Variants in FUS observed in about 807,000 individuals in gnomAD.
FUS encodes FUS RNA binding protein.
Under a neutral mutation model 82.7 loss-of-function variants are expected in FUS, and 5 were observed. That is an observed-to-expected ratio of 0.06 (90% CI 0.03 to 0.13). The LOEUF is 0.13. Among genes scored for constraint, FUS ranks in the 10% least tolerant of loss-of-function variants. The pLI, the probability that FUS is intolerant of heterozygous loss-of-function variation, is 1.00. For missense variants in FUS, 512 were observed against 707.8 expected (o/e 0.72, Z 3.14); for synonymous variants, 281 against 247.4 (o/e 1.14, Z -1.27).
chr16:31,192,323 A>G (rs939440811), downstream of FUS: 4 of 527,200 alleles, frequency 7.6e-6, no homozygotes, highest in East Asian at 1.6e-4. Flanking sequence ...CCAATGAGTT[A>G]AAACCTTAGA....
intron 8 of FUS, 158 bp downstream of exon 8, chr16:31,188,515 T>TA (rs1313682455): frequency 1.2e-6 from 1 of 805,880 alleles, no homozygotes; most frequent in Non-Finnish European, 2.1e-6. Context: ...AAGTATTTGT[T>TA]ACGAAGTATT....
intron 6 of FUS, chr16:31,185,732 G>A: frequency 2.8e-6 from 1 of 361,900 alleles, no homozygotes; most frequent in South Asian, 2.4e-5. Flanking sequence ...CCAGCTGACT[G>A]AAGTAAGCAG....
intron 13 of FUS, 37 bp downstream of exon 13, chr16:31,190,879 C>T: frequency 1.2e-6 from 2 of 1,612,884 alleles, no homozygotes; most frequent in Non-Finnish European, 1.7e-6. Flanking sequence ...GAGCTGGGAC[C>T]AAAGAATCCT....
In FUS at chr16:31,188,578, G is replaced by T. The variant is rs72550895; in HGVS notation, c.832+221G>T. 0.013 allele frequency: 7,916 copies of T among 605,570 alleles called. 346 individuals carry two copies. The highest frequency in any genetic ancestry group is 0.11 in the African/African-American group (5,750 of 54,086). 37.5% of individuals were successfully genotyped at this position (605,570 alleles called of 1,614,324 possible). A position where few individuals can be genotyped will look rare whatever the true frequency, so the allele number is the denominator to read the frequency against. On this transcript the variant is annotated intron_variant, in intron 8 of 14. Coordinates refer to ENST00000254108, the MANE Select transcript of FUS (RefSeq NM_004960.4). ...CACCCCCAGTGATTTAGGTCTGAGA[G>T]GACCCTGAAAATCTACCTTTCTAAC...
intron 6 of FUS, chr16:31,186,123 TTAAAAA>T (rs1305095540): frequency 9.7e-5 from 23 of 238,128 alleles, no homozygotes; most frequent in East Asian, 7.2e-4. Context: ...ATGCAAAACT[TTAAAAA>T]GAAAAACAAC....
chr16:31,180,365 GA>G, intron 1 of FUS, 138 bp downstream of exon 1: 1 of 1,103,696 alleles, frequency 9.1e-7, no homozygotes, highest in South Asian at 1.3e-5. Flanking sequence ...CCGCGGAGAA[GA>G]GTAACTGGAG....
At chr16:31,180,749 C>A (rs1005436417) in intron 1 of FUS, among the ~76,000 whole-genome samples, 1 of 152,172 alleles carries the variant, frequency 6.6e-6, no homozygotes, top group East Asian at 1.9e-4. Flanking sequence ...CCTCAGTGGT[C>A]CTTCGCGAAT....
At chr16:31,181,801 G>T (rs2079183595) in intron 1 of FUS, among the ~76,000 whole-genome samples, 1 of 152,186 alleles carries the variant, frequency 6.6e-6, no homozygotes, top group African/African-American at 2.4e-5. Flanking sequence ...TCACTGACAT[G>T]AATTGGGCTT....
At chr16:31,194,017 G>A, downstream of FUS, 1 of 533,490 alleles carries the variant, frequency 1.9e-6, no homozygotes, top group Admixed American at 2.2e-5. Context: ...TTGTGAGTTG[G>A]AATTGGGACA....
At chr16:31,182,170 TA>T (rs1312308543) in intron 1 of FUS, 1 of 550,206 alleles carries the variant, frequency 1.8e-6, no homozygotes, top group Admixed American at 3.1e-5. Flanking sequence ...TTTGTATTTT[TA>T]TTAGAGATGG....
chr16:31,184,427 A>ATTTTCT, intron 5 of FUS, 31 bp downstream of exon 5: 1 of 1,518,786 alleles, frequency 6.6e-7, no homozygotes, highest in Non-Finnish European at 9.0e-7. Context: ...TCTGCAGCCC[A>ATTTTCT]TTTTCTTTTT....
At chr16:31,184,161 G>T (rs763223674) in intron 4 of FUS, 48 bp from the exon 5 acceptor site, 2 of 1,613,930 alleles carry the variant, frequency 1.2e-6, no homozygotes, top group Non-Finnish European at 1.7e-6. Context: ...AAAGGAAATT[G>T]GGGGCTATGC....
chr16:31,185,352 G>GA (rs1182710679), intron 6 of FUS, 173 bp downstream of exon 6: 1 of 745,438 alleles, frequency 1.3e-6, no homozygotes, highest in African/African-American at 1.8e-5. Context: ...TTATTTTTGT[G>GA]AGAACTTGGG....
At chr16:31,193,473 G>A (rs1394831075), downstream of FUS, 2 of 528,342 alleles carry the variant, frequency 3.8e-6, no homozygotes, top group Non-Finnish European at 7.3e-6. Flanking sequence ...TGCCTAGCAG[G>A]ATTCTAATCT....
chr16:31,191,753 A>T (rs931034224), downstream of FUS: 4 of 625,198 alleles, frequency 6.4e-6, no homozygotes, highest in African/African-American at 7.1e-5. Context: ...TTGAGAGCAG[A>T]GATTAAACTT....
chr16:31,192,817 C>T (rs1442106837), downstream of FUS: 2 of 481,800 alleles, frequency 4.2e-6, no homozygotes, highest in Admixed American at 4.6e-5. Flanking sequence ...GGTGATCCAC[C>T]TGCCTTGGCC....
In FUS at chr16:31,184,238, A is replaced by G; in HGVS notation, c.365A>G (p.Tyr122Cys). 1.2e-6 allele frequency: 2 copies of G among 1,614,106 alleles called. No individual in the cohort carries two copies. The highest frequency in any genetic ancestry group is 1.6e-4 in the Middle Eastern group (1 of 6,062). The change falls in exon 5 of 15, where the codon TAT becomes TGT. Residue 122 changes from tyrosine to cysteine, a missense_variant. Coordinates refer to ENST00000254108, the MANE Select transcript of FUS (RefSeq NM_004960.4). Reference sequence around the variant, plus strand: ...GGTAGCAGTTCTCAGAGCAGCAGCTATGGGCAGCCCCAGAGTGGGAGCTAC... The same window carrying G: ...GGTAGCAGTTCTCAGAGCAGCAGCTGTGGGCAGCCCCAGAGTGGGAGCTAC... The part of the protein sequence containing the change: ...SYGSSSQSSS[Y>C]GQPQSGSYSQ...
At position 31,184,919 on chromosome 16, in the gene FUS, C is replaced by A; in HGVS notation, c.524-20C>A. 2 of 1,577,732 alleles carry A rather than the reference C, an allele frequency of 1.3e-6. No individual in the cohort carries two copies. The highest frequency in any genetic ancestry group is 1.1e-5 in the South Asian group (1 of 88,346). On this transcript the variant is annotated intron_variant, in intron 5 of 14. Coordinates refer to ENST00000254108, the MANE Select transcript of FUS (RefSeq NM_004960.4). ...AATCTTTTTGTTTTTTTTTTTTAAT[C>A]ATTCTTTCTTTTCTCACAGGTAACT...
rs555536704 is a variant in FUS, at chr16:31,186,540, T to C, written c.765-262T>C. 6.5e-5 allele frequency: 36 copies of C among 551,224 alleles called. No individual in the cohort carries two copies. In the South Asian group the frequency reaches 8.0e-4, roughly 12 times the overall value. The allele number at this position is 551,224 out of a possible 1,614,324, so 34.1% of individuals were successfully genotyped here. Reference sequence around the variant, plus strand: ...CGGAAGAACGACCAAGGAAAATGGGTTATTTTTTTTCCAGAGGAAATAGAT... The same window carrying C: ...CGGAAGAACGACCAAGGAAAATGGGCTATTTTTTTTCCAGAGGAAATAGAT... On this transcript the variant is annotated intron_variant, in intron 6 of 14. Coordinates refer to ENST00000254108, the MANE Select transcript of FUS (RefSeq NM_004960.4).
Sources: allele counts gnomAD v4.1 joint callset (sites outside exome capture counted in the v4.1 genomes callset), GRCh38; gene constraint gnomAD v4.1.1; transcripts MANE v1.5; gene names NCBI Gene and HGNC (gene_info 2026-07-23, HGNC 2026-07-21).